Variants in UST observed in about 807,000 individuals in gnomAD.
UST encodes the protein uronyl 2-sulfotransferase, also known as chondroitin sulfate 2-O-sulfotransferase.
A neutral mutation model predicts 45.6 loss-of-function variants in UST; 21 were observed. The ratio of observed to expected loss-of-function variants is 0.46; its 90% confidence interval spans 0.33 to 0.66. The LOEUF (loss-of-function observed/expected upper bound fraction) is 0.66. Among genes scored for constraint, UST ranks in the 30% least tolerant of loss-of-function variants. The pLI, the probability that UST is intolerant of heterozygous loss-of-function variation, is 0.02. For missense variants in UST, 463 were observed against 512.4 expected, an observed-to-expected ratio of 0.90 and a Z score of 0.93; for synonymous variants, 215 against 200.6, an observed-to-expected ratio of 1.07 and a Z score of -0.61.
chr6:148,976,029 CAAAG>C (rs1236483143), intron 5 of UST, among the ~76,000 whole-genome samples: 1 of 151,958 alleles, frequency 6.6e-6, no homozygotes, highest in Admixed American at 6.6e-5. Flanking sequence ...ACAAATATGA[CAAAG>C]AATTTATTCT....
chr6:148,990,491 T>G lies in UST; in HGVS notation c.681+25928T>G, dbSNP rs554796462. On this transcript the variant is annotated intron_variant, in intron 5 of 7. Coordinates refer to ENST00000367463, the MANE Select transcript of UST (RefSeq NM_005715.3). ...TCTTTAACGTGACACCAGTGTGTTTTCCTGGATAAAATTACAATCCCAGAT... is the reference window on the plus strand; with the variant it reads ...TCTTTAACGTGACACCAGTGTGTTTGCCTGGATAAAATTACAATCCCAGAT... 3.7e-4 allele frequency: 269 copies of G among 736,954 alleles called. 2 individuals carry two copies. The African/African-American group carries it at 5.0e-3, about 14-fold the overall frequency. The allele number at this position is 736,954 out of a possible 1,614,324, so 45.7% of individuals were successfully genotyped here. A position where few individuals can be genotyped will look rare whatever the true frequency, so the allele number is the denominator to read the frequency against.
intron 1 of UST, among the ~76,000 whole-genome samples, chr6:148,791,820 A>G (rs1331379501): frequency 6.6e-6 from 1 of 152,184 alleles, no homozygotes; most frequent in Non-Finnish European, 1.5e-5. Context: ...AGTCTTATGC[A>G]TTACATGGGA....
intron 1 of UST, among the ~76,000 whole-genome samples, chr6:148,860,042 G>A (rs768508086): frequency 3.9e-5 from 6 of 152,146 alleles, no homozygotes; most frequent in African/African-American, 1.4e-4. Context: ...AAAGTCATTG[G>A]TAGCTTAATG....
intron 2 of UST, among the ~76,000 whole-genome samples, chr6:148,931,511 A>C (rs1224572996): frequency 6.6e-6 from 1 of 152,228 alleles, no homozygotes; most frequent in East Asian, 1.9e-4. Context: ...GTTAATGTAA[A>C]AAGCCAATCG....
rs527381940 is a variant in UST, at chr6:148,904,757, C to T, written c.291+17728C>T. Reference sequence around the variant, plus strand: ...CAGGCTGGTCTCGAACCCCTGACCTCAAGTGAAGTCCTCAGTCTCCCAAAG... The same window carrying T: ...CAGGCTGGTCTCGAACCCCTGACCTTAAGTGAAGTCCTCAGTCTCCCAAAG... On this transcript the variant is annotated intron_variant, in intron 2 of 7. Transcript: ENST00000367463. Among the ~76,000 whole-genome samples, 6 of 152,256 alleles carry T rather than the reference C, an allele frequency of 3.9e-5. No homozygotes were observed. In the South Asian group the frequency reaches 1.2e-3, roughly 32 times the overall value.
chr6:148,881,465 G>A (rs1014516048), intron 1 of UST, among the ~76,000 whole-genome samples: 10 of 152,178 alleles, frequency 6.6e-5, no homozygotes, highest in African/African-American at 2.4e-4. Context: ...TACCCATAGA[G>A]GCCTCTGAAA....
At chr6:148,916,491 C>A (rs115529895) in intron 2 of UST, among the ~76,000 whole-genome samples, 1,740 of 152,286 alleles carry the variant, frequency 0.011, 37 homozygotes, top group African/African-American at 0.04. Context: ...AGTGTTAGTG[C>A]AGACATCGTT....
intron 5 of UST, among the ~76,000 whole-genome samples, chr6:148,997,216 A>C (rs1426258488): frequency 6.6e-6 from 1 of 152,250 alleles, no homozygotes. Context: ...TGTGAGAGAA[A>C]TCTCAAATAC....
chr6:149,032,101 G>A (rs1414105195), intron 7 of UST, among the ~76,000 whole-genome samples: 1 of 152,174 alleles, frequency 6.6e-6, no homozygotes, highest in Non-Finnish European at 1.5e-5. Flanking sequence ...CCTACCAGAG[G>A]CAGGAGAAGG....
At chr6:148,816,407 A>G (rs1231926804) in intron 1 of UST, among the ~76,000 whole-genome samples, 1 of 152,254 alleles carries the variant, frequency 6.6e-6, no homozygotes, top group Non-Finnish European at 1.5e-5. Flanking sequence ...AGTTTGGGGA[A>G]GAATAATTAA....
At chr6:149,051,744 G>T (rs1352859325) in intron 7 of UST, among the ~76,000 whole-genome samples, 1 of 151,996 alleles carries the variant, frequency 6.6e-6, no homozygotes, top group Non-Finnish European at 1.5e-5. Context: ...AGTGGCGATG[G>T]GGGGGTGTCT....
In UST at chr6:149,055,426, G is replaced by T. The variant is rs1776548265; in HGVS notation, c.938-18407G>T. On this transcript the variant is annotated intron_variant, in intron 7 of 7. Transcript: ENST00000367463. Reference sequence around the variant, plus strand: ...ATAAAACTAAACTAAAATGGAATGGGTTACAGCTTTTCCATTTGTTGACTT... The same window carrying T: ...ATAAAACTAAACTAAAATGGAATGGTTTACAGCTTTTCCATTTGTTGACTT... Among the ~76,000 whole-genome samples, 4 of 152,120 alleles carry T rather than the reference G, an allele frequency of 2.6e-5. No homozygotes were observed. The South Asian group carries it at 8.3e-4, about 32-fold the overall frequency.
intron 5 of UST, among the ~76,000 whole-genome samples, chr6:148,998,844 C>T (rs1582951611): frequency 6.6e-6 from 1 of 152,372 alleles, no homozygotes; most frequent in African/African-American, 2.4e-5. Flanking sequence ...ATGCAGCAAG[C>T]AGCATAGCAC....
At chr6:148,775,671 A>G (rs1776520460) in intron 1 of UST, among the ~76,000 whole-genome samples, 1 of 150,866 alleles carries the variant, frequency 6.6e-6, no homozygotes, top group Admixed American at 6.6e-5. Context: ...TCTATCCCCC[A>G]GGCTGGAGTG....
chr6:148,877,224 C>T (rs1483966011), intron 1 of UST, among the ~76,000 whole-genome samples: 1 of 12,204 alleles, frequency 8.2e-5, no homozygotes, highest in Non-Finnish European at 1.4e-4. Context: ...GTGGGGGGAT[C>T]GTGTGTGGGT....
At chr6:149,026,720 C>T (rs1776055691) in intron 7 of UST, among the ~76,000 whole-genome samples, 1 of 152,228 alleles carries the variant, frequency 6.6e-6, no homozygotes, top group African/African-American at 2.4e-5. Flanking sequence ...CTAATATTAA[C>T]CCATTACCTT....
chr6:148,781,211 A>G (rs1025955633), intron 1 of UST, among the ~76,000 whole-genome samples: 2 of 152,244 alleles, frequency 1.3e-5, no homozygotes, highest in African/African-American at 4.8e-5. Context: ...CAGTTAACCA[A>G]GTTTTGAAAG....
chr6:148,759,615 G>C (rs1409141199), intron 1 of UST, among the ~76,000 whole-genome samples: 2 of 151,964 alleles, frequency 1.3e-5, no homozygotes, highest in African/African-American at 4.8e-5. Flanking sequence ...CTGGGAGGCC[G>C]AGGCGGACGG....
chr6:148,958,502 C>T (rs1017261047), intron 4 of UST, among the ~76,000 whole-genome samples: 1 of 152,152 alleles, frequency 6.6e-6, no homozygotes, highest in Non-Finnish European at 1.5e-5. Flanking sequence ...ACTACCTTGG[C>T]CTAAAAGGTG....
Sources: gnomAD v4.1 joint callset for allele counts (sites outside exome capture counted in the v4.1 genomes callset) on GRCh38, gnomAD v4.1.1 for gene constraint, MANE v1.5 for transcripts, NCBI Gene and HGNC (gene_info 2026-07-23, HGNC 2026-07-21) for gene names.